ZNF100: variants seen among roughly 807,000 people sequenced by gnomAD.
The protein encoded by ZNF100 is zinc finger protein 100 (Y1).
Under a neutral mutation model 15.8 loss-of-function variants are expected in ZNF100, and 12 were observed. The ratio of observed to expected loss-of-function variants is 0.76; its 90% CI spans 0.49 to 1.23. The LOEUF is 1.23. ZNF100 is among the 50% of genes most tolerant of loss of function. The pLI is 0.00. For synonymous variants in ZNF100, 226 were observed against 214.8 expected (o/e 1.05, Z -0.45); for missense variants, 670 against 635.6 (o/e 1.05, Z -0.58).
chr19:21,732,276 G>A (rs1159079622), intron 4 of ZNF100, among the ~76,000 whole-genome samples: 3 of 152,142 alleles, frequency 2.0e-5, no homozygotes, highest in African/African-American at 7.2e-5. Flanking sequence ...AAATCCCAAA[G>A]TGTTTCTCCC....
chr19:21,733,043 A>G (rs1221691659), intron 4 of ZNF100, among the ~76,000 whole-genome samples: 1 of 152,196 alleles, frequency 6.6e-6, no homozygotes, highest in Non-Finnish European at 1.5e-5. Flanking sequence ...CCAGAGAAAC[A>G]TAGTGAAACT....
intron 2 of ZNF100, among the ~76,000 whole-genome samples, chr19:21,758,232 TAAG>T (rs955689150): frequency 9.9e-5 from 15 of 151,882 alleles, no homozygotes; most frequent in African/African-American, 3.4e-4. Flanking sequence ...AGCTAAATAA[TAAG>T]AACACATGGA....
intron 4 of ZNF100, 21 bp downstream of exon 4, chr19:21,743,996 G>A: frequency 6.2e-7 from 1 of 1,601,608 alleles, no homozygotes; most frequent in Non-Finnish European, 8.5e-7. Context: ...TGTGTCATCT[G>A]TTGTGTTCAC....
intron 4 of ZNF100, 143 bp downstream of exon 4, chr19:21,743,874 A>T (rs2036164300): frequency 4.4e-6 from 2 of 457,558 alleles, no homozygotes; most frequent in Non-Finnish European, 6.2e-6. Context: ...AAAAAAAAAA[A>T]GCCCAAAAAA....
At chr19:21,736,095 T>C (rs553945233) in intron 4 of ZNF100, among the ~76,000 whole-genome samples, 15 of 149,482 alleles carry the variant, frequency 1.0e-4, no homozygotes, top group African/African-American at 3.5e-4. Context: ...GCCTTATTGA[T>C]TTATTTTTTT....
At chr19:21,762,076 G>A (rs2036492231) in intron 2 of ZNF100, among the ~76,000 whole-genome samples, 1 of 152,188 alleles carries the variant, frequency 6.6e-6, no homozygotes. Context: ...TACTCAGGAG[G>A]CTGAGGCAGG....
chr19:21,726,564 G>T lies in ZNF100; in HGVS notation c.*119C>A. On this transcript the variant is annotated 3_prime_UTR_variant, in exon 5 of 5. Transcript: ENST00000358296. ...GTATGAATTATCTTATGTCTGTTAG[G>T]AATTGAGAATTTATTAAAGGCTTTG... 1.1e-6 allele frequency: 1 copy of T among 899,550 alleles called. No individual in the cohort carries two copies. The highest frequency in any genetic ancestry group is 1.7e-6 in the Non-Finnish European group (1 of 602,364). The allele number at this position is 899,550 out of a possible 1,614,324, so 55.7% of individuals were successfully genotyped here. A position where few individuals can be genotyped will look rare whatever the true frequency, so the allele number is the denominator to read the frequency against.
At chr19:21,737,483 C>T (rs1006790093) in intron 4 of ZNF100, among the ~76,000 whole-genome samples, 12 of 150,918 alleles carry the variant, frequency 8.0e-5, no homozygotes, top group Non-Finnish European at 1.5e-4. Flanking sequence ...TGCAGTGAAC[C>T]GAGATTGCAC....
At chr19:21,765,852 A>G (rs1230974957) in intron 1 of ZNF100, 66 bp from the exon 2 acceptor site, 2 of 1,501,050 alleles carry the variant, frequency 1.3e-6, no homozygotes, top group East Asian at 2.3e-5. Flanking sequence ...ACCATGGCGG[A>G]TATCTCGGTT....
intron 2 of ZNF100, among the ~76,000 whole-genome samples, chr19:21,761,074 A>G (rs1269294519): frequency 6.6e-6 from 1 of 152,066 alleles, no homozygotes; most frequent in Non-Finnish European, 1.5e-5. Context: ...AGAACTTTCA[A>G]TACTAATGGA....
At chr19:21,762,118 C>T (rs2036492661) in intron 2 of ZNF100, among the ~76,000 whole-genome samples, 1 of 151,974 alleles carries the variant, frequency 6.6e-6, no homozygotes, top group African/African-American at 2.4e-5. Context: ...GCAGAGGTTG[C>T]AGTAAGCCAA....
chr19:21,751,349 C>T, intron 2 of ZNF100: 1 of 830,018 alleles, frequency 1.2e-6, no homozygotes, highest in Non-Finnish European at 2.1e-6. Context: ...TGAGAGATCA[C>T]ATCCCCTCAC....
At chr19:21,762,779 G>T (rs1370360233) in intron 2 of ZNF100, among the ~76,000 whole-genome samples, 2 of 152,146 alleles carry the variant, frequency 1.3e-5, no homozygotes, top group African/African-American at 4.8e-5. Context: ...AATAGGGCCT[G>T]GGTAAAACAG....
intron 2 of ZNF100, among the ~76,000 whole-genome samples, chr19:21,760,763 T>TTG (rs2036470669): frequency 6.8e-6 from 1 of 147,374 alleles, no homozygotes; most frequent in African/African-American, 2.5e-5. Flanking sequence ...TGTTTTTTTT[T>TTG]TTTTTTTTTT....
Position 21,727,892 on chromosome 19 carries a change from A to G in ZNF100, c.420T>C (p.His140=). 6.2e-7 allele frequency: 1 copy of G among 1,606,332 alleles called. No homozygotes were observed. Among genetic ancestry groups the G allele is most frequent in the African/African-American group, 1.3e-5 (1 of 74,640 alleles). The change falls in exon 5 of 5, where the codon CAT becomes CAC. Residue 140 remains histidine, a synonymous_variant. Transcript: ENST00000358296. ...AGCCTTTTTGTAACTGTAAATTGTC[A>G]TGTCCATATTTTCCATATTTTTTCA... ...AILKKYGKYG[H]DNLQLQKGCK... is the part of the protein sequence containing the mutation.
rs2035757093 is a variant in ZNF100 at position 21,725,266 on chromosome 19, T to C, written c.*1417A>G. On this transcript the variant is annotated 3_prime_UTR_variant, in exon 5 of 5. Transcript: ENST00000358296. ...TAACACTTCACTGAATGCACAATAGTATTTAACATGTTAAAAAGGTTGAAT... is the reference window on the plus strand; with the variant it reads ...TAACACTTCACTGAATGCACAATAGCATTTAACATGTTAAAAAGGTTGAAT... 1 of 152,182 alleles carries C rather than the reference T, an allele frequency of 6.6e-6. No individual in the cohort carries two copies. Among genetic ancestry groups the C allele is most frequent in the Non-Finnish European group, 1.5e-5 (1 of 68,024 alleles). 9.4% of individuals were successfully genotyped at this position (152,182 alleles called of 1,614,324 possible). A position where few individuals can be genotyped will look rare whatever the true frequency, so the allele number is the denominator to read the frequency against.
chr19:21,761,942 T>C (rs1483844368), intron 2 of ZNF100, among the ~76,000 whole-genome samples: 1 of 152,166 alleles, frequency 6.6e-6, no homozygotes, highest in African/African-American at 2.4e-5. Flanking sequence ...AAAATAGCAC[T>C]AGTAGGCCAA....
In ZNF100 at chr19:21,738,289, A is replaced by C. The variant is rs199716006; in HGVS notation, c.322+5728T>G. Among the ~76,000 whole-genome samples the C allele has an allele frequency of 3.8e-3, 454 of 120,268 alleles. 5 individuals are homozygous for C. The highest frequency in any genetic ancestry group is 0.013 in the African/African-American group (434 of 32,844). 78.9% of individuals were successfully genotyped at this position (120,268 alleles called of 152,430 possible). On this transcript the variant is annotated intron_variant, in intron 4 of 4. Coordinates refer to ENST00000358296, the MANE Select transcript of ZNF100 (RefSeq NM_173531.4). ...AAAAAAAAAAAAAAAAAAAAAAAAA[A>C]ACTGATGGAGAATGAGAAAACTATT...
At chr19:21,754,533 G>A (rs2036361706) in intron 2 of ZNF100, among the ~76,000 whole-genome samples, 1 of 152,108 alleles carries the variant, frequency 6.6e-6, no homozygotes, top group African/African-American at 2.4e-5. Flanking sequence ...AAAAGCAATG[G>A]GGAAATGATC....
Sources: allele counts gnomAD v4.1 joint callset (sites outside exome capture counted in the v4.1 genomes callset), GRCh38; gene constraint gnomAD v4.1.1; transcripts MANE v1.5; gene names NCBI Gene and HGNC (gene_info 2026-07-23, HGNC 2026-07-21).